ARHGAP8: variants seen among roughly 807,000 people sequenced by gnomAD.
The protein encoded by ARHGAP8 is Rho GTPase activating protein 8, also known as rho GTPase-activating protein 8.
In ARHGAP8, 62 loss-of-function variants were observed where a neutral mutation model predicts 46.1. The observed-to-expected ratio is 1.34, with a 90% CI of 1.10 to 1.66. ARHGAP8 has a LOEUF of 1.66. Among genes scored for constraint, ARHGAP8 ranks in the 40% most tolerant of loss-of-function variants. The pLI, the probability that ARHGAP8 is intolerant of heterozygous loss-of-function variation, is 0.00. For missense variants in ARHGAP8, 923 were observed against 568.4 expected (o/e 1.62, Z -6.34); for synonymous variants, 375 against 243.1 (o/e 1.54, Z -5.05).
chr22:44,799,453 G>A (rs972108560), intron 2 of ARHGAP8, among the ~76,000 whole-genome samples: 6 of 152,208 alleles, frequency 3.9e-5, no homozygotes, highest in Non-Finnish European at 8.8e-5. Flanking sequence ...GAGTCAGCAA[G>A]GAGGCGGGAG....
At chr22:44,857,356 G>C (rs1380816411) in intron 10 of ARHGAP8, among the ~76,000 whole-genome samples, 1 of 152,190 alleles carries the variant, frequency 6.6e-6, no homozygotes. Context: ...ACTAGAAACT[G>C]CAGGGAGGGT....
intron 2 of ARHGAP8, among the ~76,000 whole-genome samples, chr22:44,788,010 A>C (rs1927398367): frequency 6.7e-6 from 1 of 149,682 alleles, no homozygotes; most frequent in Non-Finnish European, 1.5e-5. Context: ...AGTGTGAGGA[A>C]TGCAGATCCC....
intron 1 of ARHGAP8, among the ~76,000 whole-genome samples, chr22:44,753,162 G>C (rs937166128): frequency 1.3e-5 from 2 of 152,050 alleles, no homozygotes; most frequent in Non-Finnish European, 2.9e-5. Flanking sequence ...TCAAACTCAG[G>C]GGGTGGGGGG....
intron 4 of ARHGAP8, among the ~76,000 whole-genome samples, chr22:44,813,602 CCTACACACACTTACGCTTACTTATAT>C (rs1181737656): frequency 1.3e-5 from 2 of 151,606 alleles, no homozygotes; most frequent in African/African-American, 4.9e-5. Context: ...GCTACATACA[CCTACACACACTTACGCTTACTTATAT>C]CTACACACAC....
intron 11 of ARHGAP8, 87 bp downstream of exon 11, chr22:44,859,921 C>A (rs1028993613): frequency 1.4e-6 from 2 of 1,475,972 alleles, no homozygotes; most frequent in Non-Finnish European, 1.8e-6. Flanking sequence ...CCTCCTTGCC[C>A]TGGGTCTGGG....
At chr22:44,787,452 T>C (rs2147050184) in intron 2 of ARHGAP8, among the ~76,000 whole-genome samples, 1 of 152,250 alleles carries the variant, frequency 6.6e-6, no homozygotes, top group African/African-American at 2.4e-5. Flanking sequence ...TTCAAGAGAT[T>C]CTCCTCCTCA....
At chr22:44,846,973 C>T (rs2069972855) in intron 8 of ARHGAP8, among the ~76,000 whole-genome samples, 1 of 152,178 alleles carries the variant, frequency 6.6e-6, no homozygotes, top group Non-Finnish European at 1.5e-5. Flanking sequence ...GACAGAAAGG[C>T]CCCAGAGAGG....
chr22:44,806,491 C>G (rs1410015174), intron 3 of ARHGAP8, among the ~76,000 whole-genome samples: 2 of 152,190 alleles, frequency 1.3e-5, no homozygotes, highest in African/African-American at 4.8e-5. Flanking sequence ...TGGTTCAAAG[C>G]CCAGCTCTGC....
At chr22:44,809,139 G>A (rs1929158974) in intron 4 of ARHGAP8, 1 of 470,872 alleles carries the variant, frequency 2.1e-6, no homozygotes, top group African/African-American at 2.0e-5. Context: ...TGTTCTTAAA[G>A]GGCCAGACAG....
At chr22:44,764,880 G>A (rs1925432902) in intron 1 of ARHGAP8, among the ~76,000 whole-genome samples, 1 of 152,240 alleles carries the variant, frequency 6.6e-6, no homozygotes, top group South Asian at 2.1e-4. Context: ...GGGGAGAGGG[G>A]CTCCCGGGGC....
chr22:44,790,016 A>G (rs1927544613), intron 2 of ARHGAP8, among the ~76,000 whole-genome samples: 1 of 152,224 alleles, frequency 6.6e-6, no homozygotes, highest in South Asian at 2.1e-4. Context: ...TTTAATTGCA[A>G]GATGGACATA....
At chr22:44,859,054 A>C (rs539386929) in intron 10 of ARHGAP8, among the ~76,000 whole-genome samples, 6 of 151,526 alleles carry the variant, frequency 4.0e-5, no homozygotes, top group South Asian at 2.1e-4. Flanking sequence ...GATCTAAGCC[A>C]TGGGCCGTAG....
At chr22:44,816,509 G>A (rs1929751381) in intron 5 of ARHGAP8, among the ~76,000 whole-genome samples, 1 of 152,082 alleles carries the variant, frequency 6.6e-6, no homozygotes, top group South Asian at 2.1e-4. Context: ...CTGGTCCTTG[G>A]GCACATCGAG....
At chr22:44,769,574 C>A (rs1255441914) in intron 1 of ARHGAP8, among the ~76,000 whole-genome samples, 2 of 152,112 alleles carry the variant, frequency 1.3e-5, no homozygotes, top group Non-Finnish European at 2.9e-5. Flanking sequence ...AATATTGTGT[C>A]TTTTAATCCA....
chr22:44,801,933 T>G lies in ARHGAP8; in HGVS notation c.80-144T>G, dbSNP rs576190583. The stretch of plus-strand genomic sequence containing the variant: ...AAAGCCACAGGTGATGGATGCTCAC[T>G]CAGCAGGTGTCGCCTCCGAGGAACG... On this transcript the variant is annotated intron_variant, in intron 2 of 11. Coordinates refer to ENST00000356099, the MANE Select transcript of ARHGAP8 (RefSeq NM_181335.3). 5.4e-5 allele frequency: 44 copies of G among 808,260 alleles called. No homozygotes were observed. The Admixed American group carries it at 6.9e-4, about 13-fold the overall frequency. The allele number at this position is 808,260 out of a possible 1,614,324, so 50.1% of individuals were successfully genotyped here.
chr22:44,838,087 C>T (rs1039957513), intron 7 of ARHGAP8, among the ~76,000 whole-genome samples: 22 of 152,104 alleles, frequency 1.4e-4, no homozygotes, highest in Admixed American at 1.2e-3. Context: ...GATTCTTCTG[C>T]CTCAGCATCC....
Position 44,862,403 on chromosome 22 carries a change from T to C in ARHGAP8, c.1110T>C (p.Thr370=). The C allele has an allele frequency of 1.2e-6, 2 of 1,614,152 alleles. No individual in the cohort carries two copies. The highest frequency in any genetic ancestry group is 1.7e-5 in the Admixed American group (1 of 60,028). ...CCCTTGTGCCCCTGAACATGTTCAC[T>C]GAACTGCTGATCGAGTACTATGAAA... The part of the protein sequence containing the change: ...LSALVPLNMF[T]ELLIEYYEKI... Residue 370 remains threonine, a synonymous_variant, in exon 12 of 12, where the codon ACT becomes ACC. Transcript: ENST00000356099.
intron 1 of ARHGAP8, chr22:44,752,848 C>G (rs1312079333): frequency 6.6e-6 from 1 of 152,096 alleles, no homozygotes; most frequent in African/African-American, 2.4e-5. Context: ...TCTCCCTTCA[C>G]CTCCTTTCTT....
intron 1 of ARHGAP8, among the ~76,000 whole-genome samples, chr22:44,762,543 CT>C (rs11293128): frequency 0.46 from 55,602 of 119,840 alleles, 11,163 homozygotes; most frequent in South Asian, 0.52. Flanking sequence ...CTCTCTCTCT[CT>C]TTTTTTTTTT....
Sources: gnomAD v4.1 joint callset for allele counts (sites outside exome capture counted in the v4.1 genomes callset) on GRCh38, gnomAD v4.1.1 for gene constraint, MANE v1.5 for transcripts, NCBI Gene and HGNC (gene_info 2026-07-23, HGNC 2026-07-21) for gene names.